CAMKMT: variants seen among roughly 807,000 people sequenced by gnomAD.
CAMKMT encodes calmodulin-lysine N-methyltransferase.
Under a neutral mutation model 48.0 loss-of-function variants are expected in CAMKMT, and 53 were observed. That is an observed-to-expected ratio of 1.10 (90% CI 0.89 to 1.39). The LOEUF (loss-of-function observed/expected upper bound fraction) is 1.39, where lower values mean the gene tolerates loss of function less well. Ranked by LOEUF, CAMKMT falls within the 40% of genes most tolerant of loss-of-function variation. The probability of loss-of-function intolerance (pLI) is 0.00; values close to 1 mark genes in which losing one functional copy is unlikely to be tolerated. For synonymous variants in CAMKMT, 165 were observed against 152.3 expected, an observed-to-expected ratio of 1.08 and a Z score of -0.61; for missense variants, 428 against 402.7, an observed-to-expected ratio of 1.06 and a Z score of -0.54.
chr2:44,522,256 C>T (rs376031499), intron 3 of CAMKMT, among the ~76,000 whole-genome samples: 32 of 152,194 alleles, frequency 2.1e-4, no homozygotes, highest in African/African-American at 7.0e-4. Context: ...ATGCTCGCCT[C>T]GGCCTCTCAA....
intron 3 of CAMKMT, among the ~76,000 whole-genome samples, chr2:44,659,230 A>C (rs1056090047): frequency 6.6e-6 from 1 of 151,808 alleles, no homozygotes; most frequent in Non-Finnish European, 1.5e-5. Flanking sequence ...AGATCAGCTT[A>C]GGCAACATAG....
At chr2:44,538,781 T>TA (rs61035150) in intron 3 of CAMKMT, among the ~76,000 whole-genome samples, 107,928 of 151,694 alleles carry the variant, frequency 0.71, 38,979 homozygotes, top group Middle Eastern at 0.77. Context: ...AATAATCATT[T>TA]AAAAAAAGTT....
chr2:44,656,476 A>G (rs558002849), intron 3 of CAMKMT, among the ~76,000 whole-genome samples: 2 of 152,326 alleles, frequency 1.3e-5, no homozygotes, highest in African/African-American at 2.4e-5. Flanking sequence ...GCTTTTCTCA[A>G]AAAGAATTTA....
intron 3 of CAMKMT, among the ~76,000 whole-genome samples, chr2:44,413,950 C>G (rs1357127130): frequency 2.0e-5 from 3 of 152,188 alleles, no homozygotes; most frequent in Non-Finnish European, 4.4e-5. Context: ...GAACTCAATA[C>G]AAGATTCATA....
At chr2:44,700,282 A>G (rs1324632166) in intron 3 of CAMKMT, among the ~76,000 whole-genome samples, 1 of 152,198 alleles carries the variant, frequency 6.6e-6, no homozygotes, top group East Asian at 1.9e-4. Context: ...TCTCCATATC[A>G]GCAATAAGGC....
At chr2:44,667,835 C>T (rs947737405) in intron 3 of CAMKMT, among the ~76,000 whole-genome samples, 3 of 152,170 alleles carry the variant, frequency 2.0e-5, no homozygotes, top group Non-Finnish European at 4.4e-5. Flanking sequence ...ACACCGTTTA[C>T]GTTTTTCATT....
intron 3 of CAMKMT, among the ~76,000 whole-genome samples, chr2:44,465,426 C>T (rs1326005082): frequency 1.3e-5 from 2 of 152,008 alleles, no homozygotes; most frequent in Non-Finnish European, 2.9e-5. Context: ...GGTGAAACCC[C>T]GTCTCTACTA....
chr2:44,586,207 G>C (rs1669849412), intron 3 of CAMKMT, among the ~76,000 whole-genome samples: 1 of 152,100 alleles, frequency 6.6e-6, no homozygotes, highest in Non-Finnish European at 1.5e-5. Flanking sequence ...AAATCTGATA[G>C]GGTTTCAGGA....
At chr2:44,593,907 G>T (rs1014495811) in intron 3 of CAMKMT, among the ~76,000 whole-genome samples, 3 of 151,794 alleles carry the variant, frequency 2.0e-5, no homozygotes, top group African/African-American at 7.3e-5. Flanking sequence ...GGGACTACAG[G>T]CATGTACCAC....
At chr2:44,697,777 A>G (rs150420768) in intron 3 of CAMKMT, among the ~76,000 whole-genome samples, 39 of 152,296 alleles carry the variant, frequency 2.6e-4, no homozygotes, top group African/African-American at 9.4e-4. Flanking sequence ...AGGAATAGAG[A>G]TAAAAGCAAA....
At chr2:44,643,000 A>T (rs553278050) in intron 3 of CAMKMT, among the ~76,000 whole-genome samples, 1 of 152,276 alleles carries the variant, frequency 6.6e-6, no homozygotes, top group African/African-American at 2.4e-5. Context: ...CTCTAAAGGC[A>T]AAGACAGTAA....
intron 3 of CAMKMT, among the ~76,000 whole-genome samples, chr2:44,611,317 C>A (rs1671586040): frequency 6.6e-6 from 1 of 151,942 alleles, no homozygotes; most frequent in South Asian, 2.1e-4. Flanking sequence ...CCTGTAATCC[C>A]AGCTACTCGG....
intron 3 of CAMKMT, among the ~76,000 whole-genome samples, chr2:44,672,040 C>G (rs968914033): frequency 6.6e-6 from 1 of 152,122 alleles, no homozygotes; most frequent in African/African-American, 2.4e-5. Context: ...AAAACTTGAC[C>G]TGCCCCGACA....
intron 3 of CAMKMT, among the ~76,000 whole-genome samples, chr2:44,594,800 A>C (rs1157023894): frequency 6.6e-6 from 1 of 152,220 alleles, no homozygotes; most frequent in Non-Finnish European, 1.5e-5. Context: ...ACAAAATCCA[A>C]AATTGACAAG....
At chr2:44,461,658 A>T (rs1667855392) in intron 3 of CAMKMT, among the ~76,000 whole-genome samples, 1 of 152,354 alleles carries the variant, frequency 6.6e-6, no homozygotes, top group African/African-American at 2.4e-5. Context: ...TATTTCTTGA[A>T]TAAGTGAGTG....
chr2:44,478,084 A>G (rs925543360), intron 3 of CAMKMT, among the ~76,000 whole-genome samples: 2 of 152,224 alleles, frequency 1.3e-5, no homozygotes, highest in Admixed American at 6.5e-5. Flanking sequence ...TTTTCTAGGA[A>G]TCTGTGATTT....
intron 7 of CAMKMT, among the ~76,000 whole-genome samples, chr2:44,726,527 T>G (rs1377073052): frequency 6.6e-6 from 1 of 152,246 alleles, no homozygotes; most frequent in Non-Finnish European, 1.5e-5. Context: ...ATGCCTTTGT[T>G]GGATGCATAG....
intron 3 of CAMKMT, among the ~76,000 whole-genome samples, chr2:44,655,663 A>G (rs904838692): frequency 2.6e-5 from 4 of 152,194 alleles, no homozygotes; most frequent in African/African-American, 9.7e-5. Flanking sequence ...CATTTAAAGC[A>G]AGGAGCAGAG....
intron 3 of CAMKMT, among the ~76,000 whole-genome samples, chr2:44,609,820 C>T (rs1671500921): frequency 6.6e-6 from 1 of 152,300 alleles, no homozygotes; most frequent in East Asian, 1.9e-4. Flanking sequence ...TTAACGCCTC[C>T]TGCTGAATTG....
Sources: allele counts gnomAD v4.1 joint callset (sites outside exome capture counted in the v4.1 genomes callset), GRCh38; gene constraint gnomAD v4.1.1; transcripts MANE v1.5; gene names NCBI Gene and HGNC (gene_info 2026-07-23, HGNC 2026-07-21).